The following RIMBP2 variants were observed in gnomAD, a reference collection of about 807,000 sequenced individuals.
The protein encoded by RIMBP2 is RIMS-binding protein 2.
Under a neutral mutation model 118.6 loss-of-function variants are expected in RIMBP2, and 48 were observed. That is an observed-to-expected ratio of 0.40 (90% CI 0.32 to 0.51). The LOEUF (loss-of-function observed/expected upper bound fraction) is 0.51. Ranked by LOEUF, RIMBP2 falls within the 20% of genes least tolerant of loss-of-function variation. RIMBP2 has a pLI of 0.41. For synonymous variants in RIMBP2, 762 were observed against 742.9 expected, an observed-to-expected ratio of 1.03 and a Z score of -0.42; for missense variants, 1,551 against 1,768.3, an observed-to-expected ratio of 0.88 and a Z score of 2.20.
chr12:130,612,194 G>A (rs61934652), intron 2 of RIMBP2, among the ~76,000 whole-genome samples: 20,834 of 152,056 alleles, frequency 0.14, 1,740 homozygotes, highest in Non-Finnish European at 0.2. Flanking sequence ...ATTGACCTGT[G>A]TCCGGCCCAG....
At chr12:130,497,079 CG>C (rs1165989084) in intron 4 of RIMBP2, among the ~76,000 whole-genome samples, 1 of 152,192 alleles carries the variant, frequency 6.6e-6, no homozygotes, top group Non-Finnish European at 1.5e-5. Flanking sequence ...TCCATCCACA[CG>C]TGGCTTCCTC....
intron 1 of RIMBP2, among the ~76,000 whole-genome samples, chr12:130,655,625 A>C (rs1161878571): frequency 6.6e-6 from 1 of 152,250 alleles, no homozygotes; most frequent in African/African-American, 2.4e-5. Flanking sequence ...CACAGAAAAA[A>C]ATGTGTGGTT....
In RIMBP2 at chr12:130,710,930, C is replaced by T. The variant is rs1054623776; in HGVS notation, c.-352+5292G>A. ...AGCCCTGACAGCCACCTCCCTTTCT[C>T]GTGTAGGTGAGCATTAAGAAGAGGC... On this transcript the variant is annotated intron_variant, in intron 1 of 22. Coordinates refer to ENST00000690449, the MANE Select transcript of RIMBP2 (RefSeq NM_001393629.1). This position sits in a 1 kb window ranked among gnomAD's most constrained non-coding sequence, Gnocchi z 4.3. 5.9e-5 allele frequency among the ~76,000 whole-genome samples: 9 copies of T among 152,236 alleles called. No homozygotes were observed. The highest frequency in any genetic ancestry group is 9.6e-5 in the African/African-American group (4 of 41,472).
At chr12:130,631,819 C>A (rs956700263) in intron 1 of RIMBP2, among the ~76,000 whole-genome samples, 2 of 152,126 alleles carry the variant, frequency 1.3e-5, no homozygotes, top group Non-Finnish European at 2.9e-5. Flanking sequence ...TTTCCATATA[C>A]CTTTATACAC....
At chr12:130,631,046 C>T (rs2061966928) in intron 1 of RIMBP2, among the ~76,000 whole-genome samples, 1 of 152,076 alleles carries the variant, frequency 6.6e-6, no homozygotes, top group African/African-American at 2.4e-5. Flanking sequence ...AAGGTGACAG[C>T]TGAGCCTTAG....
At chr12:130,532,027 ACG>A (rs1341156454) in intron 2 of RIMBP2, among the ~76,000 whole-genome samples, 3,088 of 88,586 alleles carry the variant, frequency 0.035, 383 homozygotes, top group East Asian at 0.13. Flanking sequence ...TCTAGGAGGG[ACG>A]TCTAATGAGA....
intron 1 of RIMBP2, among the ~76,000 whole-genome samples, chr12:130,646,089 C>G (rs1195254646): frequency 0.014 from 1,523 of 109,818 alleles, 30 homozygotes; most frequent in Admixed American, 0.032. Context: ...CTCACCACTT[C>G]CCTCTCCACC....
chr12:130,407,940 C>T, intron 19 of RIMBP2, 111 bp from the exon 20 acceptor site: 5 of 905,684 alleles, frequency 5.5e-6, no homozygotes, highest in Non-Finnish European at 7.3e-6. Context: ...CCTGGCACTG[C>T]TAACAGGGCC....
intron 4 of RIMBP2, among the ~76,000 whole-genome samples, chr12:130,501,628 C>T (rs1049573023): frequency 2.0e-5 from 3 of 152,230 alleles, no homozygotes; most frequent in Non-Finnish European, 2.9e-5. Context: ...TCTGCATAAC[C>T]TGCCCCTTAA....
At position 130,694,136 on chromosome 12, in the gene RIMBP2, G is replaced by A. The variant is rs555852396; in HGVS notation, c.-352+22086C>T. Among the ~76,000 whole-genome samples, 4 of 152,286 alleles carry A rather than the reference G, an allele frequency of 2.6e-5. No homozygotes were observed. In the South Asian group the frequency reaches 6.2e-4, roughly 24 times the overall value. The stretch of plus-strand genomic sequence containing the variant: ...TTATCCCAAGCATGTGGACCAGAAG[G>A]GGGTGGTGAATGCCAGCTGTGTGCA... On this transcript the variant is annotated intron_variant, in intron 1 of 22. Transcript: ENST00000690449.
At chr12:130,658,074 G>A (rs2063502266) in intron 1 of RIMBP2, 1 of 152,230 alleles carries the variant, frequency 6.6e-6, no homozygotes, top group Non-Finnish European at 1.5e-5. Flanking sequence ...CCACGACTCC[G>A]TCCCACCTTC....
rs2050950636 is a variant in RIMBP2, at chr12:130,511,901, C to A, written c.-126-5131G>T. ...CCCTGGCTCCTTCTCCAGGCAGCTG[C>A]CTCTGGCCAGGGTCACCACCTCTGG... On this transcript the variant is annotated intron_variant, in intron 3 of 22. Transcript: ENST00000690449. The surrounding 1 kb of genome is among the most constrained non-coding windows in gnomAD (Gnocchi z 4.3). Among the ~76,000 whole-genome samples the A allele has an allele frequency of 6.6e-6, 1 of 152,144 alleles. No individual in the cohort carries two copies. The highest frequency in any genetic ancestry group is 2.1e-4 in the South Asian group (1 of 4,830).
At chr12:130,506,607 C>T (rs2050385840) in intron 4 of RIMBP2, 41 bp downstream of exon 4, 1 of 985,600 alleles carries the variant, frequency 1.0e-6, no homozygotes. Context: ...ACCGACCTCA[C>T]AAAGAGCAGA....
chr12:130,544,392 T>C (rs1405113953), intron 2 of RIMBP2, among the ~76,000 whole-genome samples: 3 of 152,144 alleles, frequency 2.0e-5, no homozygotes, highest in Non-Finnish European at 2.9e-5. Context: ...TTAAGCCTGA[T>C]CCTACTCATT....
At chr12:130,426,186 C>A (rs1270383861) in intron 15 of RIMBP2, 2 of 152,242 alleles carry the variant, frequency 1.3e-5, no homozygotes, top group African/African-American at 4.8e-5. Flanking sequence ...CTCACTGCCA[C>A]GTGAGAACGT....
chr12:130,423,081 G>A (rs991509463), intron 16 of RIMBP2, among the ~76,000 whole-genome samples: 1 of 152,182 alleles, frequency 6.6e-6, no homozygotes, highest in Non-Finnish European at 1.5e-5. Context: ...CTCCTAATCT[G>A]AAAATGCTGG....
intron 19 of RIMBP2, among the ~76,000 whole-genome samples, chr12:130,409,459 C>T (rs866592920): frequency 2.1e-5 from 3 of 145,958 alleles, no homozygotes; most frequent in Non-Finnish European, 1.5e-5. Context: ...TCTCCTGCTT[C>T]GGCCTCCTGA....
At chr12:130,646,124 TGCC>T (rs2062897677) in intron 1 of RIMBP2, among the ~76,000 whole-genome samples, 1 of 110,996 alleles carries the variant, frequency 9.0e-6, no homozygotes, top group African/African-American at 3.3e-5. Context: ...CCTCACCACC[TGCC>T]TCTCCACCTC....
chr12:130,536,524 C>G (rs748763014), intron 2 of RIMBP2, among the ~76,000 whole-genome samples: 1 of 152,156 alleles, frequency 6.6e-6, no homozygotes, highest in African/African-American at 2.4e-5. Flanking sequence ...AGTATCTAGA[C>G]TTCCACTTAC....
Sources: gnomAD v4.1 joint callset for allele counts (sites outside exome capture counted in the v4.1 genomes callset) on GRCh38, gnomAD v4.1.1 for gene constraint, Gnocchi (gnomAD v3.1) non-coding constraint, MANE v1.5 for transcripts, NCBI Gene and HGNC (gene_info 2026-07-23, HGNC 2026-07-21) for gene names.